Variants in PCNX1 observed in about 807,000 individuals in gnomAD.
The protein encoded by PCNX1 is pecanex-like protein 1.
A neutral mutation model predicts 242.2 loss-of-function variants in PCNX1; 78 were observed. The ratio of observed to expected loss-of-function variants is 0.32; its 90% CI spans 0.27 to 0.39. The LOEUF (loss-of-function observed/expected upper bound fraction) is 0.39. PCNX1 is among the 10% of genes least tolerant of loss of function. PCNX1 has a pLI of 1.00. For missense variants in PCNX1, 2,581 were observed against 2,856.5 expected (o/e 0.90, Z 2.20); for synonymous variants, 1,024 against 1,032.9 (o/e 0.99, Z 0.17).
At chr14:70,939,618 G>C (rs1357463223) in intron 1 of PCNX1, among the ~76,000 whole-genome samples, 4 of 152,196 alleles carry the variant, frequency 2.6e-5, no homozygotes, top group Non-Finnish European at 5.9e-5. Context: ...GTTGATTTGG[G>C]GTGGAGAGTT....
intron 2 of PCNX1, among the ~76,000 whole-genome samples, chr14:70,957,970 G>A (rs985284941): frequency 2.0e-5 from 3 of 152,034 alleles, no homozygotes; most frequent in African/African-American, 7.2e-5. Flanking sequence ...GCATTCTAGT[G>A]GAGAAACCAT....
intron 1 of PCNX1, among the ~76,000 whole-genome samples, chr14:70,941,933 G>A (rs188786085): frequency 1.4e-3 from 208 of 152,344 alleles, no homozygotes; most frequent in African/African-American, 4.6e-3. Context: ...TCCGAACAAG[G>A]CGTGGGATAT....
chr14:71,029,459 A>G (rs1478340726), intron 16 of PCNX1, among the ~76,000 whole-genome samples: 4 of 152,162 alleles, frequency 2.6e-5, no homozygotes, highest in African/African-American at 2.4e-5. Context: ...TTTAAGTAGC[A>G]TTTATAGAGC....
chr14:71,030,021 C>T (rs1397022865), intron 16 of PCNX1, among the ~76,000 whole-genome samples: 1 of 152,150 alleles, frequency 6.6e-6, no homozygotes, highest in African/African-American at 2.4e-5. Flanking sequence ...ATTCATTTCT[C>T]TTGGGTAAAT....
intron 33 of PCNX1, among the ~76,000 whole-genome samples, chr14:71,107,659 C>A (rs1057314488): frequency 2.6e-5 from 4 of 152,180 alleles, no homozygotes; most frequent in African/African-American, 9.7e-5. Flanking sequence ...TGCCACTGAT[C>A]ATTCCGATTT....
In PCNX1 at chr14:71,110,269, C is replaced by T; in HGVS notation, c.*334C>T. On this transcript the variant is annotated 3_prime_UTR_variant, in exon 36 of 36. Coordinates refer to ENST00000304743, the MANE Select transcript of PCNX1 (RefSeq NM_014982.3). ...AATCAACAAACTCTTCATTTCTAAA[C>T]TATGATCTCATATTTTTCTAATTTC... The T allele has an allele frequency of 3.0e-6, 1 of 328,376 alleles. No homozygotes were observed. Among genetic ancestry groups the T allele is most frequent in the Non-Finnish European group, 5.9e-6 (1 of 170,136 alleles). 20.3% of individuals were successfully genotyped at this position (328,376 alleles called of 1,614,324 possible). A position where few individuals can be genotyped will look rare whatever the true frequency, so the allele number is the denominator to read the frequency against.
At chr14:71,082,306 A>G (rs531475153) in intron 28 of PCNX1, among the ~76,000 whole-genome samples, 14 of 152,240 alleles carry the variant, frequency 9.2e-5, no homozygotes, top group South Asian at 4.2e-4. Flanking sequence ...AATAAGTGCA[A>G]TGTGGTGCTG....
At chr14:70,947,214 T>C (rs2057492424) in intron 2 of PCNX1, 91 bp downstream of exon 2, 3 of 985,392 alleles carry the variant, frequency 3.0e-6, no homozygotes, top group African/African-American at 1.6e-5. Context: ...TTGTTTTCTT[T>C]ATATGGTTTT....
chr14:70,985,144 A>AGTATAACAAAAGGAAACAGCTAAATTGCG, intron 6 of PCNX1, among the ~76,000 whole-genome samples: 1 of 152,116 alleles, frequency 6.6e-6, no homozygotes, highest in South Asian at 2.1e-4. Flanking sequence ...GAGTGATTGC[A>AGTATAACAAAAGGAAACAGCTAAATTGCG]TCAGTATAAC....
chr14:71,071,378 G>C (rs770977890), intron 26 of PCNX1, among the ~76,000 whole-genome samples: 10 of 152,120 alleles, frequency 6.6e-5, no homozygotes, highest in Non-Finnish European at 1.0e-4. Context: ...GCCCATCCTG[G>C]TGATACGGTT....
chr14:71,084,096 A>G (rs1214800440), intron 28 of PCNX1, among the ~76,000 whole-genome samples: 1 of 152,090 alleles, frequency 6.6e-6, no homozygotes, highest in African/African-American at 2.4e-5. Context: ...TTTTCCTTCT[A>G]ACAGGCCCCT....
rs1173435498 is a variant in PCNX1 at position 71,105,406 on chromosome 14, C to A, written c.6267C>A (p.Leu2089=). 1 of 1,613,856 alleles carries A rather than the reference C, an allele frequency of 6.2e-7. No homozygotes were observed. Among genetic ancestry groups the A allele is most frequent in the Non-Finnish European group, 8.5e-7 (1 of 1,179,924 alleles). ...CTGGGCAGGGATCAGGAACTGGACTCCACCCACCTGTCACATCTTATCCTC... is the reference window on the plus strand; with the variant it reads ...CTGGGCAGGGATCAGGAACTGGACTACACCCACCTGTCACATCTTATCCTC... The part of the protein sequence containing the change: ...GNPGQGSGTG[L]HPPVTSYPPT... Residue 2089 remains leucine (L), a synonymous_variant, in exon 33 of 36, where the codon CTC becomes CTA. Transcript: ENST00000304743.
chr14:71,026,806 T>G lies in PCNX1; in HGVS notation c.3390T>G (p.Ile1130Met), dbSNP rs1433295934. The G allele has an allele frequency of 1.3e-5, 20 of 1,566,056 alleles. No homozygotes were observed. The highest frequency in any genetic ancestry group is 1.8e-5 in the Non-Finnish European group (20 of 1,137,916). Reference protein sequence around the residue: ...FTLCFPIVFFIGLLPQVNTFV... With the variant: ...FTLCFPIVFFMGLLPQVNTFV... ...TCTGTTTCCCAATAGTGTTTTTCATTGGTCTCCTGCCTCAGGTGAATACAT... is the reference window on the plus strand; with the variant it reads ...TCTGTTTCCCAATAGTGTTTTTCATGGGTCTCCTGCCTCAGGTGAATACAT... Residue 1130 changes from isoleucine to methionine, a missense_variant, in exon 15 of 36, where the codon ATT becomes ATG. Physicochemically the swap from Ile to Met is conservative, Grantham distance 10. This residue lies in a region of PCNX1 where 432 missense variants were observed against 443.1 expected (regional missense o/e 0.97). Coordinates refer to ENST00000304743, the MANE Select transcript of PCNX1 (RefSeq NM_014982.3).
At chr14:70,956,384 AAAAT>A (rs1002739521) in intron 2 of PCNX1, among the ~76,000 whole-genome samples, 7 of 151,868 alleles carry the variant, frequency 4.6e-5, no homozygotes, top group Non-Finnish European at 7.4e-5. Flanking sequence ...CTCTACCAAA[AAAAT>A]AAATAAATAA....
chr14:70,995,956 C>T, intron 8 of PCNX1, 31 bp downstream of exon 8: 1 of 1,550,358 alleles, frequency 6.5e-7, no homozygotes, highest in Non-Finnish European at 8.9e-7. Flanking sequence ...CTTGATGATA[C>T]AAAAACTTTA....
intron 8 of PCNX1, among the ~76,000 whole-genome samples, chr14:70,997,062 AT>A (rs2059374612): frequency 6.6e-6 from 1 of 152,188 alleles, no homozygotes; most frequent in African/African-American, 2.4e-5. Flanking sequence ...AACATTTTAA[AT>A]TTGGAATGCT....
intron 1 of PCNX1, among the ~76,000 whole-genome samples, chr14:70,915,350 T>TG (rs1476763621): frequency 6.6e-6 from 1 of 152,118 alleles, no homozygotes; most frequent in Non-Finnish European, 1.5e-5. Flanking sequence ...GTTCAGCTGT[T>TG]CTGATTTATT....
intron 13 of PCNX1, among the ~76,000 whole-genome samples, chr14:71,024,497 T>A (rs2060186896): frequency 6.6e-6 from 1 of 152,178 alleles, no homozygotes; most frequent in African/African-American, 2.4e-5. Context: ...TGATGTTTTT[T>A]CTTTAAAAAA....
At chr14:71,068,402 G>T (rs1028949672) in intron 26 of PCNX1, among the ~76,000 whole-genome samples, 2 of 148,270 alleles carry the variant, frequency 1.3e-5, no homozygotes, top group East Asian at 3.9e-4. Flanking sequence ...TTATGTATAC[G>T]TATATATATG....
Sources: gnomAD v4.1 joint callset for allele counts (sites outside exome capture counted in the v4.1 genomes callset) on GRCh38, gnomAD v4.1.1 for gene constraint, gnomAD v4.1.1 regional missense constraint, MANE v1.5 for transcripts, NCBI Gene and HGNC (gene_info 2026-07-23, HGNC 2026-07-21) for gene names.